The following LRPPRC variants were observed in gnomAD, a reference collection of about 807,000 sequenced individuals.
LRPPRC encodes the protein leucine rich pentatricopeptide repeat containing, also known as leucine-rich PPR motif-containing protein, mitochondrial.
Under a neutral mutation model 180.3 loss-of-function variants are expected in LRPPRC, and 120 were observed. That is an observed-to-expected ratio of 0.67 (90% CI 0.57 to 0.77). The LOEUF is 0.77. LRPPRC is among the 30% of genes least tolerant of loss of function. The probability of loss-of-function intolerance (pLI) is 0.00; values close to 1 mark genes in which losing one functional copy is unlikely to be tolerated. For missense variants in LRPPRC, 2,012 were observed against 1,657.2 expected (o/e 1.21, Z -3.72); for synonymous variants, 723 against 600.0 (o/e 1.21, Z -3.00).
intron 27 of LRPPRC, among the ~76,000 whole-genome samples, chr2:43,921,644 G>A (rs1191606339): frequency 1.3e-5 from 2 of 152,148 alleles, no homozygotes; most frequent in Admixed American, 6.6e-5. Context: ...ACAAAGTTAC[G>A]TCTGAGATAA....
chr2:43,940,793 A>G (rs1211428086), intron 23 of LRPPRC, among the ~76,000 whole-genome samples: 1 of 152,218 alleles, frequency 6.6e-6, no homozygotes, highest in African/African-American at 2.4e-5. Context: ...GAAGACTAAT[A>G]AAAAACTCTT....
At position 43,899,315 on chromosome 2, in the gene LRPPRC, T is replaced by C. The variant is rs755204813; in HGVS notation, c.3729A>G (p.Arg1243=). 1.2e-6 allele frequency: 2 copies of C among 1,613,928 alleles called. No individual in the cohort carries two copies. Among genetic ancestry groups the C allele is most frequent in the East Asian group, 2.2e-5 (1 of 44,890 alleles). The change falls in exon 34 of 38, where the codon AGA becomes AGG. Residue 1243 remains arginine, a synonymous_variant. Coordinates refer to ENST00000260665, the MANE Select transcript of LRPPRC (RefSeq NM_133259.4). ...TATAAATTGCAAACTGATTGGCCAA[T>C]CTCTCCGCCATGATGCTTACTGGAA... ...AVEKISIMAE[R]LANQFAIYKP...
intron 7 of LRPPRC, 101 bp from the exon 8 acceptor site, chr2:43,974,859 C>A: frequency 2.4e-6 from 3 of 1,239,408 alleles, no homozygotes; most frequent in East Asian, 4.7e-5. Context: ...GGGAAAAATA[C>A]CACCTAAAGG....
At position 43,973,801 on chromosome 2, in the gene LRPPRC, T is replaced by C. The variant is rs776891742; in HGVS notation, c.1255A>G (p.Lys419Glu). ...FTLHCALLAN[K>E]TDLAKALMKA... ...AACTTTAAGAATGTAGTACCAGTTT[T>C]ATTGGCGAGTAAAGCACAATGGAGG... Residue 419 changes from lysine to glutamate, a missense_variant, in exon 10 of 38, where the codon AAA becomes GAA. Coordinates refer to ENST00000260665, the MANE Select transcript of LRPPRC (RefSeq NM_133259.4). 3.1e-6 allele frequency: 5 copies of C among 1,613,142 alleles called. No individual in the cohort carries two copies. The East Asian group carries it at 8.9e-5, about 29-fold the overall frequency.
At chr2:43,912,782 G>A (rs1164662939) in intron 29 of LRPPRC, among the ~76,000 whole-genome samples, 1 of 152,164 alleles carries the variant, frequency 6.6e-6, no homozygotes, top group Admixed American at 6.5e-5. Context: ...GATGGTGCCT[G>A]AAGGGGTTTC....
intron 23 of LRPPRC, among the ~76,000 whole-genome samples, chr2:43,938,754 T>C (rs569246023): frequency 3.9e-5 from 6 of 152,122 alleles, no homozygotes; most frequent in Non-Finnish European, 7.3e-5. Flanking sequence ...CATCCACCAA[T>C]CATAAAACTA....
At chr2:43,969,315 G>C (rs1022214269) in intron 11 of LRPPRC, among the ~76,000 whole-genome samples, 1 of 152,018 alleles carries the variant, frequency 6.6e-6, no homozygotes, top group Non-Finnish European at 1.5e-5. Flanking sequence ...GGGAGGCTGA[G>C]GCAGGAGAAT....
At chr2:43,963,913 T>A (rs976947148) in intron 11 of LRPPRC, 7 of 592,338 alleles carry the variant, frequency 1.2e-5, no homozygotes, top group Admixed American at 9.1e-5. Context: ...TGTGAAACAG[T>A]AAATTTCAAG....
chr2:43,905,636 C>A (rs1299734202), intron 31 of LRPPRC, 56 bp downstream of exon 31: 3 of 1,266,134 alleles, frequency 2.4e-6, no homozygotes, highest in Non-Finnish European at 3.5e-6. Context: ...AAGGGCGTTA[C>A]AAGAAAAATC....
At chr2:43,986,841 G>T (rs1297676004) in intron 1 of LRPPRC, among the ~76,000 whole-genome samples, 3 of 152,172 alleles carry the variant, frequency 2.0e-5, no homozygotes, top group Non-Finnish European at 4.4e-5. Flanking sequence ...ACTAGACAGT[G>T]CAAAGTCTCT....
At chr2:43,931,950 C>A (rs1302787409) in intron 25 of LRPPRC, among the ~76,000 whole-genome samples, 1 of 151,662 alleles carries the variant, frequency 6.6e-6, no homozygotes, top group Admixed American at 6.6e-5. Context: ...AAGAGATAGA[C>A]CTTTAAAAAG....
chr2:43,989,148 C>T (rs1332573387), intron 1 of LRPPRC, among the ~76,000 whole-genome samples: 3 of 152,210 alleles, frequency 2.0e-5, no homozygotes, highest in East Asian at 1.9e-4. Flanking sequence ...GCGGAGATTA[C>T]TGGGCCTGGC....
At chr2:43,923,177 T>TAAA (rs9309110) in intron 27 of LRPPRC, among the ~76,000 whole-genome samples, 3,509 of 130,498 alleles carry the variant, frequency 0.027, 167 homozygotes, top group African/African-American at 0.093. Context: ...TTTGTTTCTT[T>TAAA]AAAAAAAAAA....
chr2:43,955,260 G>A (rs1041001519), intron 14 of LRPPRC, among the ~76,000 whole-genome samples: 4 of 152,002 alleles, frequency 2.6e-5, no homozygotes, highest in African/African-American at 9.7e-5. Flanking sequence ...CTGAGGCCAG[G>A]AGTTCAAGAC....
At chr2:43,955,291 G>C (rs1183876751) in intron 14 of LRPPRC, among the ~76,000 whole-genome samples, 2 of 151,730 alleles carry the variant, frequency 1.3e-5, no homozygotes, top group Non-Finnish European at 2.9e-5. Context: ...AACACGGTGA[G>C]ACTCCATCTC....
chr2:43,946,594 T>C (rs1672689509), intron 20 of LRPPRC, among the ~76,000 whole-genome samples: 1 of 152,036 alleles, frequency 6.6e-6, no homozygotes, highest in African/African-American at 2.4e-5. Context: ...GATGCAGAAA[T>C]ATGTATCATT....
At chr2:43,899,386 C>G (rs774051025) in intron 33 of LRPPRC, 52 bp from the exon 34 acceptor site, 1 of 1,600,520 alleles carries the variant, frequency 6.2e-7, no homozygotes, top group Admixed American at 1.7e-5. Flanking sequence ...TGGTATAACT[C>G]ACCTACCAAA....
chr2:43,994,925 C>G (rs193142563), intron 1 of LRPPRC, among the ~76,000 whole-genome samples: 2 of 152,362 alleles, frequency 1.3e-5, no homozygotes, highest in Non-Finnish European at 2.9e-5. Flanking sequence ...AACAGAGTGC[C>G]TTGCATGTGC....
intron 29 of LRPPRC, among the ~76,000 whole-genome samples, chr2:43,917,745 C>T (rs1228313619): frequency 6.6e-6 from 1 of 151,968 alleles, no homozygotes. Flanking sequence ...GCTGAGATCA[C>T]GCTACTACAC....
Sources: gnomAD v4.1 joint callset for allele counts (sites outside exome capture counted in the v4.1 genomes callset) on GRCh38, gnomAD v4.1.1 for gene constraint, MANE v1.5 for transcripts, NCBI Gene and HGNC (gene_info 2026-07-23, HGNC 2026-07-21) for gene names.